The following SPATS2L variants were observed in gnomAD, a reference collection of about 807,000 sequenced individuals.
SPATS2L encodes the protein SPATS2-like protein.
Under a neutral mutation model 59.6 loss-of-function variants are expected in SPATS2L, and 30 were observed. That is an observed-to-expected ratio of 0.50 (90% CI 0.38 to 0.68). The LOEUF (loss-of-function observed/expected upper bound fraction) is 0.68. Ranked by LOEUF, SPATS2L falls within the 30% of genes least tolerant of loss-of-function variation. The probability of loss-of-function intolerance (pLI) is 0.00; values close to 1 mark genes in which losing one functional copy is unlikely to be tolerated. For missense variants in SPATS2L, 615 were observed against 700.0 expected, an observed-to-expected ratio of 0.88 and a Z score of 1.37; for synonymous variants, 252 against 263.5, an observed-to-expected ratio of 0.96 and a Z score of 0.42.
intron 6 of SPATS2L, among the ~76,000 whole-genome samples, chr2:200,433,455 G>C (rs894872084): frequency 2.0e-5 from 3 of 152,038 alleles, no homozygotes; most frequent in Non-Finnish European, 2.9e-5. Flanking sequence ...TAAGAGTATG[G>C]TGTCTGAACA....
intron 2 of SPATS2L, among the ~76,000 whole-genome samples, chr2:200,343,315 A>G (rs956106144): frequency 3.9e-5 from 6 of 152,252 alleles, no homozygotes; most frequent in African/African-American, 1.4e-4. Flanking sequence ...CTGGAAGTAT[A>G]CAAATACGGA....
In SPATS2L at chr2:200,324,980, G is replaced by C. The variant is rs908761924; in HGVS notation, c.-72-4451G>C. Reference sequence around the variant, plus strand: ...AATCAATATTTCTTGCTGTAGTCAAGGTACAGCAACATATATCCAAGGGCA... The same window carrying C: ...AATCAATATTTCTTGCTGTAGTCAACGTACAGCAACATATATCCAAGGGCA... On this transcript the variant is annotated intron_variant, in intron 1 of 12. Transcript: ENST00000409140. Among the ~76,000 whole-genome samples the C allele has an allele frequency of 2.6e-5, 4 of 152,108 alleles. No homozygotes were observed. The South Asian group carries it at 8.3e-4, about 32-fold the overall frequency.
At position 200,479,822 on chromosome 2, in the gene SPATS2L, A is replaced by G; in HGVS notation, c.*1791A>G. 2.5e-6 allele frequency: 1 copy of G among 398,426 alleles called. No individual in the cohort carries two copies. Among genetic ancestry groups the G allele is most frequent in the South Asian group, 1.3e-4 (1 of 7,692 alleles). The allele number at this position is 398,426 out of a possible 1,614,324, so 24.7% of individuals were successfully genotyped here. On this transcript the variant is annotated 3_prime_UTR_variant, in exon 13 of 13. Coordinates refer to ENST00000409140, the MANE Select transcript of SPATS2L (RefSeq NM_001100423.2). ...GCAAGCATCTGTTTCTTCTTTTGCC[A>G]AGTACAGGAGGATGTTTGCTCTCTC... is the stretch of plus-strand genomic sequence containing the variant.
chr2:200,314,071 T>C (rs1388483310), intron 1 of SPATS2L, among the ~76,000 whole-genome samples: 1 of 152,246 alleles, frequency 6.6e-6, no homozygotes, highest in Non-Finnish European at 1.5e-5. Flanking sequence ...TTTCTTCTAC[T>C]ACCACCTATA....
chr2:200,398,452 C>G (rs959376254), intron 3 of SPATS2L, among the ~76,000 whole-genome samples: 1 of 151,964 alleles, frequency 6.6e-6, no homozygotes, highest in African/African-American at 2.4e-5. Context: ...TTTAGCAAAC[C>G]AAGTCATACT....
At chr2:200,357,022 T>A (rs1366381636) in intron 2 of SPATS2L, among the ~76,000 whole-genome samples, 1 of 152,184 alleles carries the variant, frequency 6.6e-6, no homozygotes, top group Non-Finnish European at 1.5e-5. Context: ...TTCCAACACA[T>A]GAACTTTAAG....
chr2:200,459,721 T>C (rs1232057835), intron 8 of SPATS2L, 48 bp from the exon 9 acceptor site: 1 of 1,433,260 alleles, frequency 7.0e-7, no homozygotes, highest in African/African-American at 1.4e-5. Context: ...AAAGTTTATC[T>C]TTGATTAAGC....
At chr2:200,425,022 C>G (rs2106030317) in intron 6 of SPATS2L, among the ~76,000 whole-genome samples, 1 of 151,530 alleles carries the variant, frequency 6.6e-6, no homozygotes, top group South Asian at 2.1e-4. Flanking sequence ...AATGCAGATT[C>G]TGTGCTTGGG....
Position 200,472,944 on chromosome 2 carries a change from A to C in SPATS2L, c.1173A>C (p.Ser391=), listed in dbSNP as rs6723687. ...AACAGAGTAACTTTTCCCGAAAATC[A>C]TCCACTCACAATAAGCCCTCTGAAG... The part of the protein sequence containing the change: ...SGKQSNFSRK[S]STHNKPSEGK... The change falls in exon 12 of 13, where the codon TCA becomes TCC. Residue 391 remains serine, a synonymous_variant. Coordinates refer to ENST00000409140, the MANE Select transcript of SPATS2L (RefSeq NM_001100423.2). The C allele has an allele frequency of 0.037, 60,221 of 1,613,754 alleles. 2,378 individuals carry two copies. Among genetic ancestry groups the C allele is most frequent in the African/African-American group, 0.21 (15,662 of 74,912 alleles).
chr2:200,426,860 GGTA>G (rs2083612483), intron 6 of SPATS2L, among the ~76,000 whole-genome samples: 1 of 152,106 alleles, frequency 6.6e-6, no homozygotes, highest in East Asian at 1.9e-4. Context: ...CAAGTAACTT[GGTA>G]TCTTAGATTG....
At chr2:200,464,037 T>A (rs78188202) in intron 9 of SPATS2L, among the ~76,000 whole-genome samples, 4,432 of 152,328 alleles carry the variant, frequency 0.029, 213 homozygotes, top group African/African-American at 0.1. Context: ...TGTTTATACA[T>A]ACATAATATT....
chr2:200,363,678 T>C (rs1173744088), intron 2 of SPATS2L, among the ~76,000 whole-genome samples: 1 of 152,244 alleles, frequency 6.6e-6, no homozygotes, highest in East Asian at 1.9e-4. Flanking sequence ...GTTTCATAGC[T>C]GGTCATTTGT....
chr2:200,364,182 A>G (rs898719023), intron 2 of SPATS2L, among the ~76,000 whole-genome samples: 1 of 152,178 alleles, frequency 6.6e-6, no homozygotes, highest in Non-Finnish European at 1.5e-5. Context: ...AGAGCTTCCA[A>G]AAAGGATCCT....
intron 1 of SPATS2L, among the ~76,000 whole-genome samples, chr2:200,326,361 C>T (rs574557372): frequency 1.3e-5 from 2 of 152,210 alleles, no homozygotes; most frequent in Non-Finnish European, 2.9e-5. Context: ...TACATACTCA[C>T]TATAGAAAAT....
At chr2:200,327,675 A>T (rs954098112) in intron 1 of SPATS2L, among the ~76,000 whole-genome samples, 1 of 152,240 alleles carries the variant, frequency 6.6e-6, no homozygotes, top group Non-Finnish European at 1.5e-5. Flanking sequence ...GTTTTTGTCA[A>T]AAGTGTGAAA....
At chr2:200,382,034 C>T (rs889825705) in intron 2 of SPATS2L, among the ~76,000 whole-genome samples, 15 of 152,134 alleles carry the variant, frequency 9.9e-5, no homozygotes, top group African/African-American at 3.6e-4. Flanking sequence ...AGGTAGGAAG[C>T]TGCAGGAAAA....
intron 6 of SPATS2L, among the ~76,000 whole-genome samples, chr2:200,423,819 G>A (rs561184054): frequency 3.3e-5 from 5 of 152,290 alleles, no homozygotes; most frequent in South Asian, 2.1e-4. Context: ...TGTGGGATGC[G>A]TGTTTTATCT....
At chr2:200,391,230 A>G (rs2082164063) in intron 3 of SPATS2L, among the ~76,000 whole-genome samples, 4 of 152,170 alleles carry the variant, frequency 2.6e-5, no homozygotes, top group African/African-American at 7.2e-5. Flanking sequence ...AAAATCACAG[A>G]TATTTTCATA....
At chr2:200,316,344 A>G (rs1405950096) in intron 1 of SPATS2L, among the ~76,000 whole-genome samples, 3 of 152,202 alleles carry the variant, frequency 2.0e-5, no homozygotes, top group Non-Finnish European at 4.4e-5. Context: ...ATGAGTAGGC[A>G]TTTTGTATAA....
Sources: allele counts gnomAD v4.1 joint callset (sites outside exome capture counted in the v4.1 genomes callset), GRCh38; gene constraint gnomAD v4.1.1; transcripts MANE v1.5; gene names NCBI Gene and HGNC (gene_info 2026-07-23, HGNC 2026-07-21).